Variants in UBR3 observed in about 807,000 individuals in gnomAD.
UBR3 encodes ubiquitin protein ligase E3 component n-recognin 3.
A neutral mutation model predicts 243.2 loss-of-function variants in UBR3; 85 were observed. The ratio of observed to expected loss-of-function variants is 0.35; its 90% CI spans 0.29 to 0.42. The LOEUF is 0.42. Ranked by LOEUF, UBR3 falls within the 10% of genes least tolerant of loss-of-function variation. UBR3 has a pLI of 1.00. For synonymous variants in UBR3, 748 were observed against 799.8 expected, an observed-to-expected ratio of 0.94 and a Z score of 1.09; for missense variants, 1,686 against 2,300.8, an observed-to-expected ratio of 0.73 and a Z score of 5.47.
In UBR3 at chr2:169,835,997, CTCTCTCTCTCTCT is replaced by C. The variant is rs2082076195; in HGVS notation, c.545+7946_545+7958del. Reference sequence around the variant, plus strand: ...CCTGAAATTCCTGTGTGCACTGTCTCTCTCTCTCTCTCTCTCTCTCTCTCTCTCTCTCTCTCTC... The same window carrying C: ...CCTGAAATTCCTGTGTGCACTGTCTCCTCTCTCTCTCTCTCTCTCTCTCTC... On this transcript the variant is annotated intron_variant, in intron 1 of 38. Coordinates refer to ENST00000272793, the MANE Select transcript of UBR3 (RefSeq NM_172070.4). 2.3e-3 allele frequency among the ~76,000 whole-genome samples: 92 copies of C among 40,472 alleles called. 2 individuals are homozygous for C. The highest frequency in any genetic ancestry group is 5.4e-3 in the East Asian group (9 of 1,676). The allele number at this position is 40,472 out of a possible 152,430, so 26.6% of individuals were successfully genotyped here. A position where few individuals can be genotyped will look rare whatever the true frequency, so the allele number is the denominator to read the frequency against.
At chr2:170,035,918 G>GGA (rs200852273) in intron 31 of UBR3, among the ~76,000 whole-genome samples, 46 of 133,216 alleles carry the variant, frequency 3.5e-4, no homozygotes, top group Middle Eastern at 7.7e-3. Flanking sequence ...ATTGGGGGGG[G>GGA]GGTTGCTAAT....
chr2:169,917,954 C>T (rs577695813), intron 11 of UBR3, among the ~76,000 whole-genome samples: 3 of 152,296 alleles, frequency 2.0e-5, no homozygotes, highest in South Asian at 4.1e-4. Context: ...CCACCCACCT[C>T]GGCCTCCCAA....
intron 31 of UBR3, among the ~76,000 whole-genome samples, chr2:170,034,744 A>G (rs969865049): frequency 2.0e-5 from 3 of 152,020 alleles, no homozygotes. Context: ...GTGAGAAACC[A>G]CCAAACTGTT....
chr2:170,065,575 T>C (rs1324769028), intron 35 of UBR3, among the ~76,000 whole-genome samples: 1 of 152,164 alleles, frequency 6.6e-6, no homozygotes, highest in Non-Finnish European at 1.5e-5. Flanking sequence ...TACAACACTT[T>C]TAATAGAATT....
chr2:169,861,826 A>G lies in UBR3; in HGVS notation c.546-10410A>G, dbSNP rs139575436. ...CTCCCTACACCAAGTTGCTTCTAGAACTCTAATGATTTCACATTTTACATT... is the reference window on the plus strand; with the variant it reads ...CTCCCTACACCAAGTTGCTTCTAGAGCTCTAATGATTTCACATTTTACATT... On this transcript the variant is annotated intron_variant, in intron 1 of 38. Transcript: ENST00000272793. Among the ~76,000 whole-genome samples the G allele has an allele frequency of 5.3e-3, 799 of 152,174 alleles. 2 individuals are homozygous for G. Among genetic ancestry groups the G allele is most frequent in the Non-Finnish European group, 8.4e-3 (570 of 67,996 alleles).
chr2:169,930,186 C>T (rs1466473947), intron 18 of UBR3, among the ~76,000 whole-genome samples: 1 of 152,042 alleles, frequency 6.6e-6, no homozygotes, highest in Non-Finnish European at 1.5e-5. Flanking sequence ...TGTCTCACCT[C>T]CTATCTGCTA....
intron 6 of UBR3, among the ~76,000 whole-genome samples, chr2:169,894,409 T>C (rs893936257): frequency 2.0e-5 from 3 of 151,236 alleles, no homozygotes; most frequent in Non-Finnish European, 3.0e-5. Context: ...ATATCACTTA[T>C]GTCACCACTG....
intron 5 of UBR3, among the ~76,000 whole-genome samples, chr2:169,888,224 C>T (rs754977160): frequency 5.9e-5 from 9 of 151,606 alleles, no homozygotes; most frequent in Non-Finnish European, 1.2e-4. Flanking sequence ...CTGCAACCTC[C>T]GCCTCCCGGG....
rs1435380652 is a variant in UBR3, at chr2:170,080,527, A to G, written c.5410-18A>G. 9 of 1,568,944 alleles carry G rather than the reference A, an allele frequency of 5.7e-6. No individual in the cohort carries two copies. In the Middle Eastern group the frequency reaches 5.0e-4, roughly 88 times the overall value. On this transcript the variant is annotated intron_variant, in intron 37 of 38. Coordinates refer to ENST00000272793, the MANE Select transcript of UBR3 (RefSeq NM_172070.4). ...CTATTTGATTATGAAGTTCATTAAT[A>G]TATTTTTAATTTTTTAGCACTCTCA... is the stretch of plus-strand genomic sequence containing the variant.
intron 24 of UBR3, among the ~76,000 whole-genome samples, chr2:169,979,763 C>T (rs1021632581): frequency 6.6e-6 from 1 of 152,116 alleles, no homozygotes; most frequent in Non-Finnish European, 1.5e-5. Context: ...ATAAATGAAA[C>T]ATGGGAGTTT....
At chr2:170,055,878 G>A (rs932026942) in intron 33 of UBR3, among the ~76,000 whole-genome samples, 2 of 151,962 alleles carry the variant, frequency 1.3e-5, no homozygotes, top group Admixed American at 1.3e-4. Flanking sequence ...GTGAGCACAT[G>A]ATAAAATATC....
intron 1 of UBR3, among the ~76,000 whole-genome samples, chr2:169,841,023 T>C (rs934486548): frequency 3.3e-5 from 5 of 152,194 alleles, no homozygotes; most frequent in African/African-American, 9.6e-5. Context: ...GTGGTGGGTA[T>C]GGCTGTCTCA....
chr2:169,916,576 C>G (rs1048759728), intron 11 of UBR3, among the ~76,000 whole-genome samples: 3 of 152,136 alleles, frequency 2.0e-5, no homozygotes, highest in Non-Finnish European at 4.4e-5. Context: ...GACTCCTCCT[C>G]TTTTTGGATG....
intron 19 of UBR3, among the ~76,000 whole-genome samples, chr2:169,935,665 A>G (rs1408475677): frequency 6.6e-6 from 1 of 152,184 alleles, no homozygotes. Flanking sequence ...TGAAAGTATG[A>G]TGTATGAGTT....
At chr2:169,907,642 C>T (rs2085069331) in intron 10 of UBR3, among the ~76,000 whole-genome samples, 2 of 152,166 alleles carry the variant, frequency 1.3e-5, no homozygotes, top group African/African-American at 4.8e-5. Flanking sequence ...ATCTCCCTCT[C>T]CTTTACTTAA....
chr2:170,025,830 A>C (rs2090514413), intron 30 of UBR3, among the ~76,000 whole-genome samples: 1 of 152,152 alleles, frequency 6.6e-6, no homozygotes, highest in African/African-American at 2.4e-5. Flanking sequence ...GGTGTCATTC[A>C]CTCAAATAGC....
chr2:169,944,743 CAATT>C (rs1244371910), intron 20 of UBR3, among the ~76,000 whole-genome samples: 2 of 151,624 alleles, frequency 1.3e-5, no homozygotes, highest in African/African-American at 4.8e-5. Context: ...TGAAGTTACT[CAATT>C]AAAGCTGTAA....
At chr2:170,049,403 A>C (rs2091165282) in intron 32 of UBR3, among the ~76,000 whole-genome samples, 1 of 152,186 alleles carries the variant, frequency 6.6e-6, no homozygotes, top group African/African-American at 2.4e-5. Flanking sequence ...CAGGGGTGGC[A>C]AAAGTGGAAG....
intron 24 of UBR3, among the ~76,000 whole-genome samples, chr2:169,986,303 C>T (rs1036317539): frequency 6.6e-6 from 1 of 152,116 alleles, no homozygotes; most frequent in African/African-American, 2.4e-5. Flanking sequence ...TTAAAACAAA[C>T]ATCTCCCTTC....
Sources: gnomAD v4.1 joint callset for allele counts (sites outside exome capture counted in the v4.1 genomes callset) on GRCh38, gnomAD v4.1.1 for gene constraint, MANE v1.5 for transcripts, NCBI Gene and HGNC (gene_info 2026-07-23, HGNC 2026-07-21) for gene names.